Variants in WWOX observed in about 807,000 individuals in gnomAD.
The protein encoded by WWOX is WW domain containing oxidoreductase, also known as WW domain-containing oxidoreductase.
Under a neutral mutation model 46.2 loss-of-function variants are expected in WWOX, and 69 were observed. That is an observed-to-expected ratio of 1.49 (90% CI 1.23 to 1.82). The LOEUF (loss-of-function observed/expected upper bound fraction) is 1.82. Ranked by LOEUF, WWOX falls within the 40% of genes most tolerant of loss-of-function variation. The pLI is 0.00. For synonymous variants in WWOX, 359 were observed against 202.6 expected, an observed-to-expected ratio of 1.77 and a Z score of -6.56; for missense variants, 919 against 542.6, an observed-to-expected ratio of 1.69 and a Z score of -6.89.
At chr16:78,570,416 C>T (rs2044686642) in intron 8 of WWOX, among the ~76,000 whole-genome samples, 1 of 152,174 alleles carries the variant, frequency 6.6e-6, no homozygotes, top group Admixed American at 6.5e-5. Flanking sequence ...TGAAGCGATC[C>T]TCATGCCTTA....
intron 8 of WWOX, among the ~76,000 whole-genome samples, chr16:78,768,415 C>A (rs374497749): frequency 6.6e-6 from 1 of 151,568 alleles, no homozygotes; most frequent in African/African-American, 2.4e-5. Context: ...CATGTTGAAA[C>A]CCGCTCTCTA....
chr16:78,446,218 A>C (rs1333022366), intron 8 of WWOX, among the ~76,000 whole-genome samples: 1 of 152,228 alleles, frequency 6.6e-6, no homozygotes, highest in Admixed American at 6.5e-5. Flanking sequence ...ACTTGAGACC[A>C]TGTTCCAGAG....
At chr16:78,822,663 C>G (rs967854609) in intron 8 of WWOX, among the ~76,000 whole-genome samples, 2 of 152,132 alleles carry the variant, frequency 1.3e-5, no homozygotes, top group South Asian at 4.1e-4. Context: ...TTGAATCTTT[C>G]CATGATGAGA....
At chr16:79,112,708 G>A (rs115574965) in intron 8 of WWOX, among the ~76,000 whole-genome samples, 6 of 152,244 alleles carry the variant, frequency 3.9e-5, no homozygotes, top group South Asian at 4.2e-4. Context: ...ATTCATAGTC[G>A]TAAAGTTTAT....
intron 5 of WWOX, among the ~76,000 whole-genome samples, chr16:78,254,420 C>G (rs944717374): frequency 2.0e-5 from 3 of 151,052 alleles, no homozygotes; most frequent in Non-Finnish European, 4.4e-5. Flanking sequence ...CCACCCCACC[C>G]CACCCCAGAA....
At chr16:78,287,606 T>G (rs890784699) in intron 5 of WWOX, among the ~76,000 whole-genome samples, 1 of 152,174 alleles carries the variant, frequency 6.6e-6, no homozygotes, top group Admixed American at 6.6e-5. Context: ...GTTTAAGAGC[T>G]CTAAGTGTGC....
chr16:78,663,738 G>A (rs537940948), intron 8 of WWOX, among the ~76,000 whole-genome samples: 3 of 152,134 alleles, frequency 2.0e-5, no homozygotes, highest in East Asian at 1.9e-4. Context: ...TGTGTGATCA[G>A]TGATGGCTTT....
At chr16:78,242,891 C>T (rs1376167835) in intron 5 of WWOX, among the ~76,000 whole-genome samples, 2 of 152,136 alleles carry the variant, frequency 1.3e-5, no homozygotes, top group African/African-American at 4.8e-5. Context: ...GCCTGTAATT[C>T]CAGCTACTTG....
rs376656340 is a variant in WWOX, at chr16:78,858,838, C to G, written c.1057-352770C>G. On this transcript the variant is annotated intron_variant, in intron 8 of 8. Transcript: ENST00000566780. The stretch of plus-strand genomic sequence containing the variant: ...GGACCACTGGCATGTGTCACCACAT[C>G]TGGCTAATTTTTTGAACTTTTTTGT... Among the ~76,000 whole-genome samples the G allele has an allele frequency of 2.6e-4, 40 of 151,258 alleles. No homozygotes were observed. The South Asian group carries it at 8.0e-3, about 30-fold the overall frequency.
chr16:78,772,468 G>A (rs953002964), intron 8 of WWOX, among the ~76,000 whole-genome samples: 5 of 151,998 alleles, frequency 3.3e-5, no homozygotes, highest in African/African-American at 1.2e-4. Flanking sequence ...GTTGATTCCA[G>A]TAGACGTGTA....
chr16:78,712,847 A>G (rs2048472921), intron 8 of WWOX, among the ~76,000 whole-genome samples: 1 of 152,186 alleles, frequency 6.6e-6, no homozygotes, highest in South Asian at 2.1e-4. Context: ...TGTTCATGTT[A>G]AATTATTGTT....
chr16:78,516,287 A>T (rs1020718388), intron 8 of WWOX, among the ~76,000 whole-genome samples: 1 of 152,130 alleles, frequency 6.6e-6, no homozygotes, highest in Non-Finnish European at 1.5e-5. Flanking sequence ...TTACAAGAAC[A>T]CTGTCCTGTT....
chr16:78,559,879 T>C (rs1021059577), intron 8 of WWOX, among the ~76,000 whole-genome samples: 5 of 152,198 alleles, frequency 3.3e-5, no homozygotes, highest in South Asian at 2.1e-4. Context: ...TCTCATACTT[T>C]ACCTCAATTT....
chr16:79,024,678 G>A (rs1311671332), intron 8 of WWOX, among the ~76,000 whole-genome samples: 3 of 151,968 alleles, frequency 2.0e-5, no homozygotes, highest in South Asian at 4.2e-4. Context: ...CTCGTGATCT[G>A]CCCACCTCGG....
chr16:78,118,025 C>G (rs1039055095), intron 4 of WWOX, among the ~76,000 whole-genome samples: 8 of 131,662 alleles, frequency 6.1e-5, no homozygotes, highest in Non-Finnish European at 8.7e-5. Context: ...TCCAGTGGTT[C>G]TTTCTTTCTT....
chr16:78,286,291 T>C (rs1032101041), intron 5 of WWOX, among the ~76,000 whole-genome samples: 4 of 152,244 alleles, frequency 2.6e-5, no homozygotes, highest in African/African-American at 9.6e-5. Context: ...CTGTACCATA[T>C]GGTTGCCCAG....
chr16:78,874,824 A>C (rs2044203484), intron 8 of WWOX, among the ~76,000 whole-genome samples: 1 of 150,218 alleles, frequency 6.7e-6, no homozygotes, highest in Non-Finnish European at 1.5e-5. Flanking sequence ...GCCAAGACTC[A>C]CCACTAGAAG....
intron 5 of WWOX, among the ~76,000 whole-genome samples, chr16:78,328,506 A>G (rs1205502870): frequency 6.6e-6 from 1 of 152,210 alleles, no homozygotes; most frequent in East Asian, 1.9e-4. Context: ...ATGATAATAG[A>G]GATAATCCTG....
chr16:78,298,596 A>T (rs2079982400), intron 5 of WWOX, among the ~76,000 whole-genome samples: 1 of 152,196 alleles, frequency 6.6e-6, no homozygotes, highest in Admixed American at 6.5e-5. Flanking sequence ...GTTCGAGACC[A>T]GCCTGACCAA....
Sources: allele counts gnomAD v4.1 joint callset (sites outside exome capture counted in the v4.1 genomes callset), GRCh38; gene constraint gnomAD v4.1.1; transcripts MANE v1.5; gene names NCBI Gene and HGNC (gene_info 2026-07-23, HGNC 2026-07-21).